DNAH12: variants seen among roughly 807,000 people sequenced by gnomAD.
DNAH12 encodes dynein axonemal heavy chain 12, also known as axonemal beta dynein heavy chain 12.
DNAH12 carries 285 observed loss-of-function variants against 371.5 expected under a neutral mutation model. That is an observed-to-expected ratio of 0.77 (90% CI 0.70 to 0.85). The LOEUF (loss-of-function observed/expected upper bound fraction) is 0.85. Ranked by LOEUF, DNAH12 falls within the 40% of genes least tolerant of loss-of-function variation. The probability of loss-of-function intolerance (pLI) is 0.00; values close to 1 mark genes in which losing one functional copy is unlikely to be tolerated. For synonymous variants in DNAH12, 1,200 were observed against 1,213.0 expected (o/e 0.99, Z 0.22); for missense variants, 3,611 against 3,689.4 (o/e 0.98, Z 0.55).
At position 57,310,953 on chromosome 3, in the gene DNAH12, G is replaced by A. The variant is rs1196275887; in HGVS notation, c.10663-3C>T. The A allele has an allele frequency of 6.5e-7, 1 of 1,531,874 alleles. No individual in the cohort carries two copies. Among genetic ancestry groups the A allele is most frequent in the Non-Finnish European group, 8.8e-7 (1 of 1,130,994 alleles). 94.9% of individuals were successfully genotyped at this position (1,531,874 alleles called of 1,614,324 possible). On this transcript the variant is annotated splice_polypyrimidine_tract_variant and splice_region_variant and intron_variant, in intron 66 of 73. Coordinates refer to ENST00000495027, the MANE Select transcript of DNAH12 (RefSeq NM_001366028.2). ...GTATCATATTCATTGATAAATAACT[G>A]AAGCAAAGGAAAAATGAAACAAGAA...
At chr3:57,329,294 C>T (rs1177946604) in intron 62 of DNAH12, among the ~76,000 whole-genome samples, 1 of 130,556 alleles carries the variant, frequency 7.7e-6, no homozygotes, top group Non-Finnish European at 1.6e-5. Context: ...AGGCATCACA[C>T]TACCTGACTT....
chr3:57,494,873 G>A (rs191674744), intron 11 of DNAH12, among the ~76,000 whole-genome samples: 214 of 152,174 alleles, frequency 1.4e-3, no homozygotes, highest in Non-Finnish European at 2.4e-3. Context: ...TCCCACCATA[G>A]TGGCATATGC....
rs142158616 is a variant in DNAH12, at chr3:57,492,730, C to T, written c.1336-3043G>A. Among the ~76,000 whole-genome samples the T allele has an allele frequency of 1.5e-3, 223 of 152,088 alleles. 1 individual carries two copies. The highest frequency in any genetic ancestry group is 4.8e-3 in the African/African-American group (200 of 41,470). On this transcript the variant is annotated intron_variant, in intron 11 of 73. Coordinates refer to ENST00000495027, the MANE Select transcript of DNAH12 (RefSeq NM_001366028.2). ...TAATCATTTTCAAAGTTAATGAAGC[C>T]GGGTGCAGTGGCTCACACCTGTAAT...
chr3:57,443,841 T>C (rs2065388961), intron 29 of DNAH12, among the ~76,000 whole-genome samples: 1 of 152,208 alleles, frequency 6.6e-6, no homozygotes, highest in African/African-American at 2.4e-5. Context: ...ATACTATATA[T>C]TACACAATAG....
rs2064106761 is a variant in DNAH12 at position 57,408,493 on chromosome 3, T to C, written c.6063A>G (p.Ile2021Met). ...KDTSKITLVD[I>M]ELIAAMGPPG... ...GAGGGCCCATTGCAGCAATCAGCTC[T>C]ATGTCCACCAGCGTGATTTTACTTG... Residue 2021 changes from isoleucine (I) to methionine (M), a missense_variant, in exon 40 of 74, where the codon ATA (isoleucine) becomes ATG (methionine). Ile to Met is a conservative substitution (Grantham distance 10, BLOSUM62 1). Coordinates refer to ENST00000495027, the MANE Select transcript of DNAH12 (RefSeq NM_001366028.2). The C allele has an allele frequency of 6.4e-7, 1 of 1,550,882 alleles. No homozygotes were observed. Among genetic ancestry groups the C allele is most frequent in the Non-Finnish European group, 8.7e-7 (1 of 1,146,644 alleles).
rs1216402021 is a variant in DNAH12, at chr3:57,415,585, T to C, written c.5715-21A>G. The C allele has an allele frequency of 2.0e-6, 3 of 1,513,236 alleles. No individual in the cohort carries two copies. The East Asian group carries it at 7.4e-5, about 38-fold the overall frequency. The allele number at this position is 1,513,236 out of a possible 1,614,324, so 93.7% of individuals were successfully genotyped here. A position where few individuals can be genotyped will look rare whatever the true frequency, so the allele number is the denominator to read the frequency against. On this transcript the variant is annotated intron_variant, in intron 37 of 73. Transcript: ENST00000495027. ...GTGGCCTTAATGAAAACAATGAATA[T>C]ATTATTCAAAATGGAAAAAAAGTCA...
chr3:57,522,977 G>A lies in DNAH12; in HGVS notation c.279+606C>T, dbSNP rs139354799. On this transcript the variant is annotated intron_variant, in intron 4 of 73. Coordinates refer to ENST00000495027, the MANE Select transcript of DNAH12 (RefSeq NM_001366028.2). Reference sequence around the variant, plus strand: ...ATTACCCTAATGAAAAAGAGAGATGGAGTTCCTTTATAACTGCCACTTTGA... The same window carrying A: ...ATTACCCTAATGAAAAAGAGAGATGAAGTTCCTTTATAACTGCCACTTTGA... Among the ~76,000 whole-genome samples, 673 of 152,038 alleles carry A rather than the reference G, an allele frequency of 4.4e-3. 7 individuals are homozygous for A. The highest frequency in any genetic ancestry group is 0.015 in the African/African-American group (633 of 41,474).
At chr3:57,362,174 T>C (rs946081933) in intron 58 of DNAH12, among the ~76,000 whole-genome samples, 5 of 152,332 alleles carry the variant, frequency 3.3e-5, no homozygotes, top group East Asian at 1.9e-4. Flanking sequence ...GCTTCATCCA[T>C]GTCCCTGCGA....
chr3:57,529,556 G>C (rs184006841), intron 2 of DNAH12, among the ~76,000 whole-genome samples: 110 of 152,126 alleles, frequency 7.2e-4, no homozygotes, highest in East Asian at 7.7e-4. Context: ...ATGATCCTTT[G>C]AATTTCTGCA....
chr3:57,353,468 T>C (rs2062730404), intron 59 of DNAH12, among the ~76,000 whole-genome samples: 1 of 152,160 alleles, frequency 6.6e-6, no homozygotes, highest in African/African-American at 2.4e-5. Flanking sequence ...AGTTTTTTTG[T>C]ATTTTTTGTA....
At chr3:57,525,743 AGTAT>A (rs1418478546) in intron 2 of DNAH12, among the ~76,000 whole-genome samples, 10 of 138,840 alleles carry the variant, frequency 7.2e-5, no homozygotes, top group African/African-American at 2.4e-4. Flanking sequence ...GCTAGCAAAT[AGTAT>A]GTCTTATTCT....
At chr3:57,487,770 A>C (rs572805485) in intron 12 of DNAH12, among the ~76,000 whole-genome samples, 1 of 152,372 alleles carries the variant, frequency 6.6e-6, no homozygotes, top group East Asian at 1.9e-4. Context: ...CTTTATAATA[A>C]GATAATTATT....
At chr3:57,491,975 T>C (rs9876563) in intron 11 of DNAH12, among the ~76,000 whole-genome samples, 100,511 of 150,348 alleles carry the variant, frequency 0.67, 33,778 homozygotes, top group South Asian at 0.75. Context: ...CACTGCACTA[T>C]AGCCTGAGTG....
intron 60 of DNAH12, among the ~76,000 whole-genome samples, chr3:57,342,471 T>C (rs2062423603): frequency 1.0e-5 from 1 of 98,960 alleles, no homozygotes; most frequent in Non-Finnish European, 1.9e-5. Flanking sequence ...AAACCCTATC[T>C]CTACTAAAAA....
intron 67 of DNAH12, 62 bp downstream of exon 67, chr3:57,310,655 T>C (rs568086942): frequency 8.7e-7 from 1 of 1,145,836 alleles, no homozygotes; most frequent in African/African-American, 1.5e-5. Context: ...GAAGAACATT[T>C]CACCATTTGC....
At chr3:57,307,683 T>C (rs1034408234) in intron 69 of DNAH12, among the ~76,000 whole-genome samples, 2 of 152,200 alleles carry the variant, frequency 1.3e-5, no homozygotes, top group African/African-American at 4.8e-5. Context: ...ACTCACTCTT[T>C]GTTGAGTCTC....
chr3:57,302,039 A>T, intron 69 of DNAH12, 100 bp from the exon 70 acceptor site: 1 of 1,292,240 alleles, frequency 7.7e-7, no homozygotes, highest in Non-Finnish European at 1.1e-6. Flanking sequence ...GCTTTATGGG[A>T]TTGCTTCCCA....
intron 34 of DNAH12, among the ~76,000 whole-genome samples, chr3:57,425,908 A>C (rs893573701): frequency 1.6e-4 from 24 of 152,198 alleles, no homozygotes; most frequent in African/African-American, 5.8e-4. Context: ...AGACAAAAAT[A>C]ATATGATGTA....
intron 23 of DNAH12, among the ~76,000 whole-genome samples, chr3:57,454,467 C>G (rs1250568530): frequency 7.1e-6 from 1 of 140,742 alleles, no homozygotes; most frequent in Admixed American, 7.1e-5. Context: ...GCAACAAGAG[C>G]GTAACTACAT....
Sources: allele counts gnomAD v4.1 joint callset (sites outside exome capture counted in the v4.1 genomes callset), GRCh38; gene constraint gnomAD v4.1.1; transcripts MANE v1.5; gene names NCBI Gene and HGNC (gene_info 2026-07-23, HGNC 2026-07-21).